Variants in CBX3 observed in about 807,000 individuals in gnomAD.
CBX3 encodes chromobox protein homolog 3.
Under a neutral mutation model 22.6 loss-of-function variants are expected in CBX3, and 5 were observed. The ratio of observed to expected loss-of-function variants is 0.22; its 90% CI spans 0.12 to 0.47. The LOEUF is 0.47. CBX3 is among the 20% of genes least tolerant of loss of function. The pLI, the probability that CBX3 is intolerant of heterozygous loss-of-function variation, is 0.99. For synonymous variants in CBX3, 50 were observed against 66.6 expected, an observed-to-expected ratio of 0.75 and a Z score of 1.21; for missense variants, 83 against 208.1, an observed-to-expected ratio of 0.40 and a Z score of 3.70.
At chr7:26,203,239 C>CT (rs1784592931) in intron 2 of CBX3, among the ~76,000 whole-genome samples, 1 of 152,176 alleles carries the variant, frequency 6.6e-6, no homozygotes, top group Non-Finnish European at 1.5e-5. Context: ...GAAGGCTAAT[C>CT]TTTGAAGGAC....
chr7:26,206,550 C>A, intron 3 of CBX3, 40 bp downstream of exon 3: 2 of 1,591,272 alleles, frequency 1.3e-6, no homozygotes, highest in Non-Finnish European at 1.7e-6. Context: ...TGTTTAACTG[C>A]AGCTAAGTGG....
At chr7:26,210,861 C>G (rs947950563) in intron 4 of CBX3, among the ~76,000 whole-genome samples, 4 of 151,934 alleles carry the variant, frequency 2.6e-5, no homozygotes, top group Non-Finnish European at 5.9e-5. Context: ...AATCCAAAGT[C>G]ACAAATAGAT....
Position 26,213,204 on chromosome 7 carries a change from G to C in CBX3, c.*996G>C, listed in dbSNP as rs1369949795. On this transcript the variant is annotated 3_prime_UTR_variant, in exon 6 of 6. Transcript: ENST00000396386. ...TTTCTTTACCCCAATTCATTACATG[G>C]AGGCTCAATCTTGAGTTTGCTTTAC... The C allele has an allele frequency of 1.3e-5, 2 of 152,698 alleles. No individual in the cohort carries two copies. The highest frequency in any genetic ancestry group is 4.8e-5 in the African/African-American group (2 of 41,456). 9.5% of individuals were successfully genotyped at this position (152,698 alleles called of 1,614,324 possible).
chr7:26,203,162 T>A, intron 2 of CBX3, 140 bp downstream of exon 2: 1 of 682,450 alleles, frequency 1.5e-6, no homozygotes, highest in South Asian at 1.8e-5. Context: ...AGGGGAAAAT[T>A]AAGAGAAAAA....
chr7:26,202,935 ATGCAAACT>A, intron 1 of CBX3, 28 bp from the exon 2 acceptor site: 1 of 1,335,352 alleles, frequency 7.5e-7, no homozygotes, highest in Non-Finnish European at 1.1e-6. Context: ...TTTTTGTGTC[ATGCAAACT>A]TACCTTAACT....
chr7:26,211,078 TAAAAAA>T (rs74744309), intron 4 of CBX3, among the ~76,000 whole-genome samples: 9 of 106,706 alleles, frequency 8.4e-5, no homozygotes, highest in South Asian at 5.6e-4. Flanking sequence ...GCTGATGAGC[TAAAAAA>T]AAAAAAAAAA....
intron 3 of CBX3, among the ~76,000 whole-genome samples, chr7:26,206,723 A>T (rs970501079): frequency 3.9e-5 from 6 of 152,204 alleles, no homozygotes; most frequent in African/African-American, 1.4e-4. Flanking sequence ...CTAGTTTATT[A>T]CCCTGGGGAG....
chr7:26,211,205 T>C (rs76853718), intron 4 of CBX3, among the ~76,000 whole-genome samples: 8,385 of 152,290 alleles, frequency 0.055, 609 homozygotes, highest in East Asian at 0.36. Flanking sequence ...TTTACTATCA[T>C]TTAGAATGAT....
chr7:26,213,530 G>C lies in CBX3; in HGVS notation c.*1322G>C, dbSNP rs897083688. On this transcript the variant is annotated 3_prime_UTR_variant, in exon 6 of 6. Transcript: ENST00000396386. ...CTTGAATATGTATTTCCACAGGAAT[G>C]TTTCCACAGTTGGGAAATAAAAGTT... Among the ~76,000 whole-genome samples the C allele has an allele frequency of 3.3e-5, 5 of 152,254 alleles. No homozygotes were observed. Among genetic ancestry groups the C allele is most frequent in the Middle Eastern group, 3.4e-3 (1 of 294 alleles).
intron 4 of CBX3, among the ~76,000 whole-genome samples, chr7:26,211,028 G>A (rs1206854590): frequency 4.0e-5 from 6 of 149,494 alleles, no homozygotes; most frequent in African/African-American, 1.5e-4. Flanking sequence ...TAGGAGAATT[G>A]TCGAGGGCTA....
rs879214653 is a variant in CBX3 at position 26,212,582 on chromosome 7, T to TTTTTTGTGTGTGTGTG, written c.*375_*376insTTTTGTGTGTGTGTGT. On this transcript the variant is annotated 3_prime_UTR_variant, in exon 6 of 6. Coordinates refer to ENST00000396386, the MANE Select transcript of CBX3 (RefSeq NM_016587.4). ...CCATTCTAGATTTATTACGTGTTTT[T>TTTTTTGTGTGTGTGTG]TGTGTGTGTGTGTGTGTGTGTGTGT... is the stretch of plus-strand genomic sequence containing the variant. 9.2e-6 allele frequency: 1 copy of TTTTTTGTGTGTGTGTG among 109,072 alleles called. No homozygotes were observed. Among genetic ancestry groups the TTTTTTGTGTGTGTGTG allele is most frequent in the African/African-American group, 3.4e-5 (1 of 29,114 alleles). The allele number at this position is 109,072 out of a possible 1,614,324, so 6.8% of individuals were successfully genotyped here. A position where few individuals can be genotyped will look rare whatever the true frequency, so the allele number is the denominator to read the frequency against.
intron 1 of CBX3, 62 bp from the exon 2 acceptor site, chr7:26,202,909 T>C: frequency 9.7e-7 from 1 of 1,025,924 alleles, no homozygotes. Flanking sequence ...CAAACAGAAT[T>C]TGTATTTAGT....
upstream of CBX3, chr7:26,201,653 G>C (rs1303757836): frequency 2.1e-5 from 3 of 140,892 alleles, no homozygotes; most frequent in Non-Finnish European, 3.1e-5. Context: ...CGCCGGGCGC[G>C]CGCCCGCTGC....
intron 1 of CBX3, chr7:26,202,444 G>A (rs2045143778): frequency 6.6e-6 from 1 of 152,618 alleles, no homozygotes; most frequent in African/African-American, 2.4e-5. Context: ...TCGGGAGCGG[G>A]TGTTTGCAAG....
Position 26,212,582 on chromosome 7 carries a change from T to TTTTGTGTGTG in CBX3, c.*375_*376insTTGTGTGTGT, listed in dbSNP as rs879214653. On this transcript the variant is annotated 3_prime_UTR_variant, in exon 6 of 6. Transcript: ENST00000396386. ...CCATTCTAGATTTATTACGTGTTTT[T>TTTTGTGTGTG]TGTGTGTGTGTGTGTGTGTGTGTGT... The TTTTGTGTGTG allele has an allele frequency of 2.1e-4, 23 of 109,140 alleles. No homozygotes were observed. Among genetic ancestry groups the TTTTGTGTGTG allele is most frequent in the African/African-American group, 7.9e-4 (23 of 29,196 alleles). 6.8% of individuals were successfully genotyped at this position (109,140 alleles called of 1,614,324 possible). A position where few individuals can be genotyped will look rare whatever the true frequency, so the allele number is the denominator to read the frequency against.
intron 4 of CBX3, among the ~76,000 whole-genome samples, chr7:26,210,932 C>G (rs952679371): frequency 1.3e-5 from 2 of 152,008 alleles, no homozygotes; most frequent in African/African-American, 4.8e-5. Context: ...CCAGTGAATC[C>G]GTAGACCACA....
chr7:26,212,274 T>C lies in CBX3; in HGVS notation c.*66T>C. ...TAAAAATTGGGTCTTAGATTTTGAT[T>C]TACTAGTGTGACAAAATAACTACAT... is the stretch of plus-strand genomic sequence containing the variant. On this transcript the variant is annotated 3_prime_UTR_variant, in exon 6 of 6. Coordinates refer to ENST00000396386, the MANE Select transcript of CBX3 (RefSeq NM_016587.4). 1 of 964,904 alleles carries C rather than the reference T, an allele frequency of 1.0e-6. No homozygotes were observed. The highest frequency in any genetic ancestry group is 1.7e-5 in the African/African-American group (1 of 57,766). The allele number at this position is 964,904 out of a possible 1,614,324, so 59.8% of individuals were successfully genotyped here.
Position 26,213,113 on chromosome 7 carries a change from T to C in CBX3, c.*905T>C, listed in dbSNP as rs957594392. The C allele has an allele frequency of 6.6e-6, 1 of 152,514 alleles. No individual in the cohort carries two copies. Among genetic ancestry groups the C allele is most frequent in the African/African-American group, 2.4e-5 (1 of 41,480 alleles). The allele number at this position is 152,514 out of a possible 1,614,324, so 9.4% of individuals were successfully genotyped here. On this transcript the variant is annotated 3_prime_UTR_variant, in exon 6 of 6. Coordinates refer to ENST00000396386, the MANE Select transcript of CBX3 (RefSeq NM_016587.4). ...ATCAGATGGTTAGAGGTGTTGGCAG[T>C]TTAGGACCTGCTGTCATAAATGTGT...
chr7:26,208,573 C>T lies in CBX3; in HGVS notation c.330+18C>T, dbSNP rs968942853. On this transcript the variant is annotated intron_variant, in intron 4 of 5. Coordinates refer to ENST00000396386, the MANE Select transcript of CBX3 (RefSeq NM_016587.4). ...GAGATGCTGTAAGTATAAAATATTG[C>T]CCACCAGCTTGTCCTTTTGTAAAAG... 2.6e-6 allele frequency: 4 copies of T among 1,547,718 alleles called. No homozygotes were observed. The highest frequency in any genetic ancestry group is 3.5e-6 in the Non-Finnish European group (4 of 1,139,950).
Sources: allele counts gnomAD v4.1 joint callset (sites outside exome capture counted in the v4.1 genomes callset), GRCh38; gene constraint gnomAD v4.1.1; transcripts MANE v1.5; gene names NCBI Gene and HGNC (gene_info 2026-07-23, HGNC 2026-07-21).